KAZN: variants seen among roughly 807,000 people sequenced by gnomAD.
KAZN encodes kazrin.
Under a neutral mutation model 87.4 loss-of-function variants are expected in KAZN, and 40 were observed. The observed-to-expected ratio is 0.46, with a 90% CI of 0.36 to 0.60. The LOEUF (loss-of-function observed/expected upper bound fraction) is 0.60, where lower values mean the gene tolerates loss of function less well. KAZN is among the 20% of genes least tolerant of loss of function. KAZN has a pLI of 0.00. For missense variants in KAZN, 898 were observed against 1,073.9 expected (o/e 0.84, Z 2.29); for synonymous variants, 466 against 458.3 (o/e 1.02, Z -0.22).
intron 1 of KAZN, among the ~76,000 whole-genome samples, chr1:14,615,430 C>A (rs1331827098): frequency 8.5e-5 from 13 of 152,176 alleles, no homozygotes; most frequent in Non-Finnish European, 1.6e-4. Flanking sequence ...GAGTTCGAGA[C>A]CAGCCTGGCC....
chr1:14,828,998 C>T (rs1268981175), intron 1 of KAZN, among the ~76,000 whole-genome samples: 1 of 152,186 alleles, frequency 6.6e-6, no homozygotes, highest in East Asian at 1.9e-4. Context: ...GCCACCCTTG[C>T]TACAAGAGAG....
intron 1 of KAZN, among the ~76,000 whole-genome samples, chr1:14,681,641 A>T (rs1473780746): frequency 1.0e-4 from 1 of 9,830 alleles, no homozygotes; most frequent in African/African-American, 3.0e-4. Context: ...ATATATATAT[A>T]TATATATATA....
At chr1:14,416,489 C>T (rs1382787248) in intron 2 of KAZN, among the ~76,000 whole-genome samples, 1 of 152,138 alleles carries the variant, frequency 6.6e-6, no homozygotes. Context: ...ATAATTCTAG[C>T]ACTTTGATAG....
intron 2 of KAZN, among the ~76,000 whole-genome samples, chr1:14,431,410 G>A (rs1290472708): frequency 6.6e-6 from 1 of 152,200 alleles, no homozygotes; most frequent in Non-Finnish European, 1.5e-5. Flanking sequence ...GAGGATAAAA[G>A]GGCCCTAAGT....
chr1:14,037,177 T>C (rs1281430715), intron 1 of KAZN, among the ~76,000 whole-genome samples: 2 of 152,216 alleles, frequency 1.3e-5, no homozygotes, highest in African/African-American at 4.8e-5. Flanking sequence ...ATCATAGACC[T>C]CTCTCCATGC....
At chr1:15,045,285 C>T (rs184810170) in intron 4 of KAZN, among the ~76,000 whole-genome samples, 15 of 152,280 alleles carry the variant, frequency 9.9e-5, no homozygotes, top group East Asian at 5.8e-4. Context: ...TGCCAGCTAA[C>T]GGTGTGGTTA....
chr1:14,459,190 C>T (rs941394872), intron 2 of KAZN, among the ~76,000 whole-genome samples: 1 of 152,084 alleles, frequency 6.6e-6, no homozygotes, highest in Admixed American at 6.6e-5. Context: ...GCCATTTCCC[C>T]CTACCCTGTT....
intron 2 of KAZN, among the ~76,000 whole-genome samples, chr1:14,985,763 G>T (rs541095862): frequency 1.3e-5 from 2 of 152,180 alleles, no homozygotes; most frequent in South Asian, 4.2e-4. Flanking sequence ...CAGCACTTTG[G>T]GAGGCTGAGG....
intron 2 of KAZN, among the ~76,000 whole-genome samples, chr1:14,197,965 C>CCT (rs1557553843): frequency 6.6e-6 from 1 of 152,144 alleles, no homozygotes; most frequent in Non-Finnish European, 1.5e-5. Context: ...TGAATAAAGA[C>CCT]ATGTGTCCTC....
chr1:14,395,274 G>A (rs1662800101), intron 2 of KAZN, among the ~76,000 whole-genome samples: 2 of 152,202 alleles, frequency 1.3e-5, no homozygotes, highest in South Asian at 4.1e-4. Flanking sequence ...AGAAGTCTGT[G>A]TTGATGTTGT....
chr1:14,577,258 T>C (rs1675249730), intron 2 of KAZN, among the ~76,000 whole-genome samples: 1 of 152,144 alleles, frequency 6.6e-6, no homozygotes, highest in African/African-American at 2.4e-5. Context: ...TGTATCGAGA[T>C]TTTGTCACAA....
At chr1:15,078,772 A>T (rs1049464734) in intron 8 of KAZN, among the ~76,000 whole-genome samples, 6 of 152,180 alleles carry the variant, frequency 3.9e-5, no homozygotes, top group Non-Finnish European at 8.8e-5. Context: ...TCCAGTTAGA[A>T]CGTTTCATGA....
intron 1 of KAZN, among the ~76,000 whole-genome samples, chr1:14,016,274 G>A (rs908057230): frequency 6.6e-6 from 1 of 152,184 alleles, no homozygotes; most frequent in Non-Finnish European, 1.5e-5. Context: ...ATTCCGTGTT[G>A]TGCTAGGGAA....
chr1:14,216,606 G>A (rs150732078), intron 2 of KAZN, among the ~76,000 whole-genome samples: 10 of 152,238 alleles, frequency 6.6e-5, no homozygotes, highest in South Asian at 4.1e-4. Context: ...ACTATATCCC[G>A]ATTAAAAGTT....
intron 1 of KAZN, among the ~76,000 whole-genome samples, chr1:14,920,377 C>G (rs1430927836): frequency 1.3e-5 from 2 of 151,200 alleles, no homozygotes; most frequent in East Asian, 3.9e-4. Context: ...GCAGCCTCCC[C>G]ACCCCCTGTC....
In KAZN at chr1:15,114,764, T is replaced by A. The variant is rs1641783509; in HGVS notation, c.*129T>A. The stretch of plus-strand genomic sequence containing the variant: ...GGATGTCCCTTGCTCCTGGGCAAAA[T>A]CCCGATGGACTCTGCGGTTTCAGCT... On this transcript the variant is annotated 3_prime_UTR_variant, in exon 15 of 15. Transcript: ENST00000376030. The A allele has an allele frequency of 2.2e-6, 2 of 917,648 alleles. No homozygotes were observed. The highest frequency in any genetic ancestry group is 5.7e-5 in the Admixed American group (2 of 34,956). 56.8% of individuals were successfully genotyped at this position (917,648 alleles called of 1,614,324 possible).
At chr1:14,789,033 C>T (rs1389383250) in intron 1 of KAZN, among the ~76,000 whole-genome samples, 1 of 152,198 alleles carries the variant, frequency 6.6e-6, no homozygotes, top group Non-Finnish European at 1.5e-5. Context: ...TCTTTTCTAG[C>T]AGAGTCCTGA....
At position 14,887,758 on chromosome 1, in the gene KAZN, G is replaced by A. The variant is rs762251314; in HGVS notation, c.227-72926G>A. ...CTTGATCACTTTTTTCCTTGCTCTC[G>A]GTAATGAGCTTTCGGGCCTAATTAG... On this transcript the variant is annotated intron_variant, in intron 1 of 14. Transcript: ENST00000376030. Among the ~76,000 whole-genome samples the A allele has an allele frequency of 4.6e-5, 7 of 150,698 alleles. No individual in the cohort carries two copies. In the East Asian group the frequency reaches 7.8e-4, roughly 17 times the overall value.
chr1:14,756,223 C>T (rs1644561119), intron 1 of KAZN, among the ~76,000 whole-genome samples: 1 of 152,228 alleles, frequency 6.6e-6, no homozygotes, highest in South Asian at 2.1e-4. Context: ...ATCCTGCTCT[C>T]AGCAGAGCCC....
Sources: gnomAD v4.1 joint callset for allele counts (sites outside exome capture counted in the v4.1 genomes callset) on GRCh38, gnomAD v4.1.1 for gene constraint, MANE v1.5 for transcripts, NCBI Gene and HGNC (gene_info 2026-07-23, HGNC 2026-07-21) for gene names.